Variants in AKNA observed in about 807,000 individuals in gnomAD.
AKNA encodes the protein microtubule organization protein AKNA.
AKNA carries 67 observed loss-of-function variants against 138.8 expected under a neutral mutation model. The observed-to-expected ratio is 0.48, with a 90% CI of 0.40 to 0.59. The LOEUF is 0.59. Among genes scored for constraint, AKNA ranks in the 20% least tolerant of loss-of-function variants. The pLI, the probability that AKNA is intolerant of heterozygous loss-of-function variation, is 0.00. For missense variants in AKNA, 1,813 were observed against 1,880.4 expected, an observed-to-expected ratio of 0.96 and a Z score of 0.66; for synonymous variants, 737 against 754.4, an observed-to-expected ratio of 0.98 and a Z score of 0.38.
chr9:114,387,004 C>G, intron 1 of AKNA, among the ~76,000 whole-genome samples: 2 of 152,062 alleles, frequency 1.3e-5, no homozygotes, highest in Non-Finnish European at 2.9e-5. Context: ...GACACTGAGG[C>G]ACAGAGACAT....
In AKNA at chr9:114,374,077, C is replaced by T. The variant is rs1832993945; in HGVS notation, c.1416+16G>A. 1.9e-6 allele frequency: 3 copies of T among 1,552,874 alleles called. No individual in the cohort carries two copies. The highest frequency in any genetic ancestry group is 2.0e-5 in the Admixed American group (1 of 51,124). On this transcript the variant is annotated intron_variant, in intron 4 of 21. Coordinates refer to ENST00000374088, the MANE Select transcript of AKNA (RefSeq NM_001317950.2). Reference sequence around the variant, plus strand: ...GGGACTTGGGCCCATGCCTCCACCCCATCCCGGCCTGGTACCTTGGCCCCG... The same window carrying T: ...GGGACTTGGGCCCATGCCTCCACCCTATCCCGGCCTGGTACCTTGGCCCCG...
rs776377854 is a variant in AKNA at position 114,342,080 on chromosome 9, G to A, written c.3803C>T (p.Thr1268Ile). The A allele has an allele frequency of 6.2e-6, 10 of 1,612,196 alleles. No homozygotes were observed. The highest frequency in any genetic ancestry group is 2.2e-5 in the South Asian group (2 of 90,878). ...TTGACCACACAGGGGACACTGAAGGGTATCAGCGGGAGGCGGTCCCAGTGG... is the reference window on the plus strand; with the variant it reads ...TTGACCACACAGGGGACACTGAAGGATATCAGCGGGAGGCGGTCCCAGTGG... ...GDPLGPPPAD[T>I]LQCPLCGQVG... Residue 1268 changes from threonine to isoleucine, a missense_variant, in exon 20 of 22, where the codon ACC becomes ATC. By Grantham distance (89) the Thr-to-Ile change is moderately conservative. Coordinates refer to ENST00000374088, the MANE Select transcript of AKNA (RefSeq NM_001317950.2).
At chr9:114,390,676 A>T (rs899305664), upstream of AKNA, among the ~76,000 whole-genome samples, 1 of 152,206 alleles carries the variant, frequency 6.6e-6, no homozygotes. Flanking sequence ...TCTGAGAAAG[A>T]AGATGAAACT....
At chr9:114,351,235 C>T (rs528742626) in intron 14 of AKNA, among the ~76,000 whole-genome samples, 17 of 152,204 alleles carry the variant, frequency 1.1e-4, no homozygotes, top group South Asian at 2.1e-4. Flanking sequence ...GGGCCTGCCC[C>T]GCTGTTTCTA....
Position 114,343,731 on chromosome 9 carries a change from C to T in AKNA, c.3734G>A (p.Arg1245Gln), listed in dbSNP as rs759222112. The T allele has an allele frequency of 8.0e-5, 129 of 1,614,044 alleles. 1 individual carries two copies. The highest frequency in any genetic ancestry group is 1.1e-4 in the South Asian group (10 of 91,092). ...ACCCGCATCCTGGGTCCTAATGGGC[C>T]GGCAGTGGGGACAGGAGACTGTGCC... Reference protein sequence around the residue: ...GNGTVSCPHCRPIRTQDAGGA... With the variant: ...GNGTVSCPHCQPIRTQDAGGA... The change falls in exon 19 of 22, where the codon CGG becomes CAG. Residue 1245 changes from arginine (R) to glutamine (Q), a missense_variant. Arg to Gln is a conservative substitution (Grantham distance 43). Transcript: ENST00000374088.
In AKNA at chr9:114,336,122, A is replaced by G. The variant is rs1319897437; in HGVS notation, c.*932T>C. The G allele has an allele frequency of 6.6e-6, 1 of 152,606 alleles. No individual in the cohort carries two copies. Among genetic ancestry groups the G allele is most frequent in the Non-Finnish European group, 1.5e-5 (1 of 68,054 alleles). 9.5% of individuals were successfully genotyped at this position (152,606 alleles called of 1,614,324 possible). ...AAAGTTAATGACATACAGCAGAGACACGGATGGCTTTGGGTATTTTTTTTG... is the reference window on the plus strand; with the variant it reads ...AAAGTTAATGACATACAGCAGAGACGCGGATGGCTTTGGGTATTTTTTTTG... On this transcript the variant is annotated 3_prime_UTR_variant, in exon 22 of 22. Transcript: ENST00000374088.
chr9:114,374,050 C>A, intron 4 of AKNA, 43 bp downstream of exon 4: 1 of 1,543,416 alleles, frequency 6.5e-7, no homozygotes, highest in South Asian at 1.2e-5. Flanking sequence ...GTCACCTCCT[C>A]GGGGACTTGG....
rs905228947 is a variant in AKNA at position 114,357,908 on chromosome 9, T to C, written c.2739+13A>G. 1.1e-5 allele frequency: 17 copies of C among 1,595,770 alleles called. No homozygotes were observed. Among genetic ancestry groups the C allele is most frequent in the African/African-American group, 4.1e-5 (3 of 73,438 alleles). On this transcript the variant is annotated intron_variant, in intron 12 of 21. Coordinates refer to ENST00000374088, the MANE Select transcript of AKNA (RefSeq NM_001317950.2). ...CTGAGGTTCTGGGCCCATTCCCCCA[T>C]GTGGAGACTTACCTCCAGGTGGGGC...
chr9:114,376,388 C>T lies in AKNA; in HGVS notation c.1341+78G>A, dbSNP rs981791643. On this transcript the variant is annotated intron_variant, in intron 3 of 21. Transcript: ENST00000374088. ...CACCCCAGCCAGCCTCTACTCCAGGCCTCCCCACCCCAATTAGCCTCCACC... is the reference window on the plus strand; with the variant it reads ...CACCCCAGCCAGCCTCTACTCCAGGTCTCCCCACCCCAATTAGCCTCCACC... 4.0e-6 allele frequency: 6 copies of T among 1,489,078 alleles called. No homozygotes were observed. In the African/African-American group the frequency reaches 8.4e-5, roughly 21 times the overall value. The allele number at this position is 1,489,078 out of a possible 1,614,324, so 92.2% of individuals were successfully genotyped here. A position where few individuals can be genotyped will look rare whatever the true frequency, so the allele number is the denominator to read the frequency against.
Position 114,381,410 on chromosome 9 carries a change from G to T in AKNA, c.-77C>A. The T allele has an allele frequency of 6.9e-7, 1 of 1,449,044 alleles. No homozygotes were observed. The highest frequency in any genetic ancestry group is 1.4e-5 in the African/African-American group (1 of 69,820). 89.8% of individuals were successfully genotyped at this position (1,449,044 alleles called of 1,614,324 possible). On this transcript the variant is annotated 5_prime_UTR_variant, in exon 2 of 22. Coordinates refer to ENST00000374088, the MANE Select transcript of AKNA (RefSeq NM_001317950.2). ...TGCTGCCAGGGGCCCCAGAGTCACC[G>T]CTGGTTCCTGTCAGCATCGGCCATC...
chr9:114,355,487 T>A (rs1831430793), intron 14 of AKNA, among the ~76,000 whole-genome samples: 1 of 152,198 alleles, frequency 6.6e-6, no homozygotes, highest in Non-Finnish European at 1.5e-5. Flanking sequence ...GGGACTGTAC[T>A]TTCATGTGAC....
chr9:114,346,857 TTCAA>T, intron 16 of AKNA, 73 bp from the exon 17 acceptor site: 1 of 1,270,866 alleles, frequency 7.9e-7, no homozygotes, highest in Non-Finnish European at 1.1e-6. Flanking sequence ...TTGTGAGAAG[TTCAA>T]CCTGGAGAAA....
downstream of AKNA, chr9:114,331,924 A>G: frequency 6.2e-7 from 1 of 1,612,456 alleles, no homozygotes; most frequent in Non-Finnish European, 8.5e-7. Context: ...CACCGACTGG[A>G]AAAAGGTAAA....
intron 18 of AKNA, chr9:114,344,028 T>A: frequency 2.1e-6 from 1 of 473,006 alleles, no homozygotes; most frequent in Non-Finnish European, 3.8e-6. Context: ...CATCTTTGTG[T>A]CTGTTTATTG....
chr9:114,337,065 A>C lies in AKNA; in HGVS notation c.4309T>G (p.Cys1437Gly). 1 of 1,247,526 alleles carries C rather than the reference A, an allele frequency of 8.0e-7. No individual in the cohort carries two copies. Among genetic ancestry groups the C allele is most frequent in the Non-Finnish European group, 1.0e-6 (1 of 959,206 alleles). 77.3% of individuals were successfully genotyped at this position (1,247,526 alleles called of 1,614,324 possible). A position where few individuals can be genotyped will look rare whatever the true frequency, so the allele number is the denominator to read the frequency against. ...LRQAHSLRGSCLF is the reference protein window; with the variant it reads ...LRQAHSLRGSGLF ...GGCCCCCAGTGAAGTCAGAAGAGGCAGGAGCCCCGCAGGCTGTGAGCCTGG... is the reference window on the plus strand; with the variant it reads ...GGCCCCCAGTGAAGTCAGAAGAGGCCGGAGCCCCGCAGGCTGTGAGCCTGG... The change falls in exon 22 of 22, where the codon TGC becomes GGC. Residue 1437 changes from cysteine to glycine, a missense_variant. Transcript: ENST00000374088.
chr9:114,363,747 AGAGAGAGACTT>A (rs1832138611), intron 7 of AKNA, among the ~76,000 whole-genome samples: 1 of 152,120 alleles, frequency 6.6e-6, no homozygotes. Flanking sequence ...CAGGGTGGGA[AGAGAGAGACTT>A]GAGAGTGGGC....
chr9:114,371,335 A>G (rs919421594), intron 4 of AKNA, among the ~76,000 whole-genome samples: 59 of 152,372 alleles, frequency 3.9e-4, no homozygotes, highest in African/African-American at 1.4e-3. Context: ...ATCTTGGTCA[A>G]GTTATTTAAC....
At chr9:114,388,067 A>G, upstream of AKNA, 1 of 274,280 alleles carries the variant, frequency 3.6e-6, no homozygotes, top group African/African-American at 2.2e-5. Flanking sequence ...TCGCCTCGGC[A>G]GGAAGCGCCC....
At chr9:114,352,693 C>G (rs1022177613) in intron 14 of AKNA, among the ~76,000 whole-genome samples, 2 of 151,954 alleles carry the variant, frequency 1.3e-5, no homozygotes, top group Admixed American at 6.6e-5. Context: ...GAGGCCGAGG[C>G]GGGCGGGTCA....
Sources: allele counts gnomAD v4.1 joint callset (sites outside exome capture counted in the v4.1 genomes callset), GRCh38; gene constraint gnomAD v4.1.1; transcripts MANE v1.5; gene names NCBI Gene and HGNC (gene_info 2026-07-23, HGNC 2026-07-21).